The following DIPK1A variants were observed in gnomAD, a reference collection of about 807,000 sequenced individuals.
DIPK1A encodes the protein divergent protein kinase domain 1A, also known as family with sequence similarity 69 member A.
DIPK1A carries 27 observed loss-of-function variants against 40.8 expected under a neutral mutation model. The observed-to-expected ratio is 0.66, with a 90% CI of 0.49 to 0.91. The LOEUF is 0.91. Among genes scored for constraint, DIPK1A ranks in the 40% least tolerant of loss-of-function variants. The pLI, the probability that DIPK1A is intolerant of heterozygous loss-of-function variation, is 0.00. For synonymous variants in DIPK1A, 166 were observed against 171.3 expected (o/e 0.97, Z 0.24); for missense variants, 412 against 505.7 (o/e 0.81, Z 1.78).
chr1:92,956,919 C>A (rs1174147500), intron 1 of DIPK1A, among the ~76,000 whole-genome samples: 1 of 152,162 alleles, frequency 6.6e-6, no homozygotes, highest in African/African-American at 2.4e-5. Context: ...GCTTGAAAAC[C>A]TTCAAAGGAC....
chr1:92,845,202 T>C (rs1285580790), intron 4 of DIPK1A, among the ~76,000 whole-genome samples: 3 of 151,174 alleles, frequency 2.0e-5, no homozygotes, highest in East Asian at 2.0e-4. Flanking sequence ...CCGTCTCGGC[T>C]TCCCAAAGTG....
At chr1:92,936,740 T>C (rs1270619217) in intron 1 of DIPK1A, among the ~76,000 whole-genome samples, 6 of 152,146 alleles carry the variant, frequency 3.9e-5, no homozygotes, top group Non-Finnish European at 8.8e-5. Flanking sequence ...CTATCAGACA[T>C]CAAGACCCTT....
intron 4 of DIPK1A, chr1:92,834,096 C>T (rs907463738): frequency 1.7e-4 from 43 of 248,124 alleles, no homozygotes; most frequent in African/African-American, 9.6e-4. Flanking sequence ...ACACTGAAAC[C>T]TAGTTTATGT....
rs148670424 is a variant in DIPK1A at position 92,883,354 on chromosome 1, C to G, written c.55-6924G>C. 4.7e-3 allele frequency among the ~76,000 whole-genome samples: 723 copies of G among 152,248 alleles called. 4 individuals are homozygous for G. Among genetic ancestry groups the G allele is most frequent in the African/African-American group, 0.017 (699 of 41,536 alleles). On this transcript the variant is annotated intron_variant, in intron 1 of 4. Transcript: ENST00000370310. ...ACTCATCATAGGGATCTTCAACATC[C>G]CAGTGCAGAAGGACAAGGATAAGTA... is the stretch of plus-strand genomic sequence containing the variant.
chr1:92,922,028 G>A (rs1650289775), intron 1 of DIPK1A, among the ~76,000 whole-genome samples: 1 of 151,806 alleles, frequency 6.6e-6, no homozygotes. Flanking sequence ...AATCTAAAAA[G>A]GTTAGTATTT....
chr1:92,859,987 C>T (rs1324167819), intron 2 of DIPK1A, among the ~76,000 whole-genome samples: 1 of 152,182 alleles, frequency 6.6e-6, no homozygotes, highest in African/African-American at 2.4e-5. Context: ...CAGGCATAAG[C>T]CACTGCACCC....
At chr1:92,941,318 G>A (rs1433569512) in intron 1 of DIPK1A, among the ~76,000 whole-genome samples, 4 of 152,124 alleles carry the variant, frequency 2.6e-5, no homozygotes, top group African/African-American at 9.7e-5. Context: ...TGGAAGTCTT[G>A]TTGTAGCAAT....
chr1:92,951,548 CTG>C (rs1203565422), intron 1 of DIPK1A, among the ~76,000 whole-genome samples: 1 of 152,170 alleles, frequency 6.6e-6, no homozygotes, highest in African/African-American at 2.4e-5. Context: ...TAACAAAACT[CTG>C]AGATCAGGGT....
intron 1 of DIPK1A, among the ~76,000 whole-genome samples, chr1:92,902,478 T>C (rs1649459609): frequency 6.6e-6 from 1 of 152,128 alleles, no homozygotes; most frequent in Non-Finnish European, 1.5e-5. Flanking sequence ...CAAGATGGCA[T>C]AGTGCAGTAG....
intron 1 of DIPK1A, among the ~76,000 whole-genome samples, chr1:92,957,697 A>G (rs1209615125): frequency 6.6e-6 from 1 of 152,238 alleles, no homozygotes; most frequent in Non-Finnish European, 1.5e-5. Context: ...TCATGAGATA[A>G]ACTCGGTTCA....
At chr1:92,955,193 A>G (rs183394182) in intron 1 of DIPK1A, among the ~76,000 whole-genome samples, 121 of 152,138 alleles carry the variant, frequency 8.0e-4, no homozygotes, top group Non-Finnish European at 1.0e-3. Context: ...GTGGGGACAG[A>G]AGGATAAATA....
intron 2 of DIPK1A, among the ~76,000 whole-genome samples, chr1:92,863,571 C>CAA (rs10650458): frequency 0.56 from 56,405 of 100,666 alleles, 16,667 homozygotes; most frequent in East Asian, 0.88. Context: ...CTGTCTCTAC[C>CAA]AAAAAAAAAA....
intron 3 of DIPK1A, among the ~76,000 whole-genome samples, chr1:92,847,894 C>G (rs1687690455): frequency 6.6e-6 from 1 of 152,132 alleles, no homozygotes; most frequent in African/African-American, 2.4e-5. Flanking sequence ...TACCACTAAA[C>G]CTGGCTAATT....
At chr1:92,951,829 T>G (rs1651644207) in intron 1 of DIPK1A, among the ~76,000 whole-genome samples, 1 of 151,990 alleles carries the variant, frequency 6.6e-6, no homozygotes, top group Admixed American at 6.6e-5. Flanking sequence ...CAATGAATAC[T>G]CTTATACCCT....
chr1:92,945,789 G>A (rs890479067), intron 1 of DIPK1A, among the ~76,000 whole-genome samples: 2 of 152,138 alleles, frequency 1.3e-5, no homozygotes, highest in Non-Finnish European at 2.9e-5. Flanking sequence ...TTTGGGGAGC[G>A]GATGACAGAA....
intron 1 of DIPK1A, among the ~76,000 whole-genome samples, chr1:92,891,120 A>AAAGTCTCT (rs1648851133): frequency 6.6e-6 from 1 of 152,130 alleles, no homozygotes; most frequent in South Asian, 2.1e-4. Flanking sequence ...TTCATGATAC[A>AAAGTCTCT]AAGTCTCTAA....
chr1:92,864,051 A>G (rs1487659668), intron 2 of DIPK1A, among the ~76,000 whole-genome samples: 1 of 152,146 alleles, frequency 6.6e-6, no homozygotes. Context: ...GCGAGACTCC[A>G]TCTCAAAAAA....
At chr1:92,842,068 C>T, downstream of DIPK1A, 1 of 797,566 alleles carries the variant, frequency 1.3e-6, no homozygotes. Context: ...ATTTCTTGGG[C>T]TTCTGTTTTA....
intron 1 of DIPK1A, among the ~76,000 whole-genome samples, chr1:92,950,927 T>G (rs1651610945): frequency 1.3e-5 from 2 of 152,218 alleles, no homozygotes; most frequent in Admixed American, 6.5e-5. Flanking sequence ...AAACAAAGTA[T>G]TTTAAGAAAT....
Sources: allele counts gnomAD v4.1 joint callset (sites outside exome capture counted in the v4.1 genomes callset), GRCh38; gene constraint gnomAD v4.1.1; transcripts MANE v1.5; gene names NCBI Gene and HGNC (gene_info 2026-07-23, HGNC 2026-07-21).